AMOTL1: variants seen among roughly 807,000 people sequenced by gnomAD.
AMOTL1 encodes angiomotin like 1.
A neutral mutation model predicts 102.9 loss-of-function variants in AMOTL1; 45 were observed. The observed-to-expected ratio is 0.44, with a 90% CI of 0.34 to 0.56. The LOEUF is 0.56. Among genes scored for constraint, AMOTL1 ranks in the 20% least tolerant of loss-of-function variants. The pLI is 0.01. For missense variants in AMOTL1, 1,114 were observed against 1,225.6 expected, an observed-to-expected ratio of 0.91 and a Z score of 1.36; for synonymous variants, 481 against 484.7, an observed-to-expected ratio of 0.99 and a Z score of 0.10.
chr11:94,845,666 C>G (rs1952396834), intron 6 of AMOTL1, among the ~76,000 whole-genome samples: 2 of 152,198 alleles, frequency 1.3e-5, no homozygotes, highest in African/African-American at 4.8e-5. Flanking sequence ...AGTCATGTGT[C>G]CAAGGTGAGC....
At chr11:94,774,617 G>A (rs1266189585) in intron 1 of AMOTL1, among the ~76,000 whole-genome samples, 4 of 152,146 alleles carry the variant, frequency 2.6e-5, no homozygotes, top group African/African-American at 7.2e-5. Context: ...TACCCCAGAG[G>A]GTTTATTGAA....
chr11:94,806,141 G>A (rs1052456959), intron 3 of AMOTL1, among the ~76,000 whole-genome samples: 1 of 152,246 alleles, frequency 6.6e-6, no homozygotes, highest in Non-Finnish European at 1.5e-5. Context: ...CAAGTAAAGT[G>A]GGGGCAGCCC....
At chr11:94,768,721 C>T (rs1950894985) in intron 1 of AMOTL1, among the ~76,000 whole-genome samples, 161 bp downstream of exon 1, 1 of 152,008 alleles carries the variant, frequency 6.6e-6, no homozygotes, top group Non-Finnish European at 1.5e-5. Context: ...AGCGGGTTCC[C>T]TTGCCCCGCT....
chr11:94,798,608 G>A (rs1951410328), intron 2 of AMOTL1, among the ~76,000 whole-genome samples: 1 of 152,090 alleles, frequency 6.6e-6, no homozygotes, highest in Non-Finnish European at 1.5e-5. Flanking sequence ...AGTAGTTGAC[G>A]ACGAGGGGTA....
intron 6 of AMOTL1, among the ~76,000 whole-genome samples, chr11:94,844,575 TA>T: frequency 6.6e-6 from 1 of 152,360 alleles, no homozygotes; most frequent in East Asian, 1.9e-4. Context: ...TGTGCTCTGT[TA>T]TTGCATGGCC....
At chr11:94,830,463 G>A (rs1000048938) in intron 5 of AMOTL1, among the ~76,000 whole-genome samples, 1 of 152,190 alleles carries the variant, frequency 6.6e-6, no homozygotes, top group African/African-American at 2.4e-5. Context: ...TCTGTTTGCG[G>A]CTCCTTCTTG....
At chr11:94,764,298 G>C (rs1950829644), upstream of AMOTL1, among the ~76,000 whole-genome samples, 1 of 152,190 alleles carries the variant, frequency 6.6e-6, no homozygotes, top group Admixed American at 6.5e-5. Flanking sequence ...CAATGTGCTA[G>C]GAGTCATTTC....
At position 94,799,568 on chromosome 11, in the gene AMOTL1, A is replaced by G; in HGVS notation, c.378A>G (p.Thr126=). The G allele has an allele frequency of 6.2e-7, 1 of 1,613,818 alleles. No individual in the cohort carries two copies. Among genetic ancestry groups the G allele is most frequent in the African/African-American group, 1.3e-5 (1 of 74,990 alleles). ...MNLLAIQHQA[T]GSAGPAHPTN... ...TGCTGGCCATTCAGCACCAGGCCAC[A>G]GGGAGTGCAGGACCAGCCCATCCTA... Residue 126 remains threonine (T), a synonymous_variant, in exon 3 of 13, where the codon ACA becomes ACG. Transcript: ENST00000433060. The surrounding 1 kb of genome is among the most constrained non-coding windows in gnomAD (Gnocchi z 4.5).
At chr11:94,867,948 G>A (rs748712116) in intron 11 of AMOTL1, among the ~76,000 whole-genome samples, 28 of 152,128 alleles carry the variant, frequency 1.8e-4, no homozygotes, top group Non-Finnish European at 2.1e-4. Flanking sequence ...TTCCTTCTCC[G>A]TAAGACAGGA....
chr11:94,745,829 C>G (rs1417993822), intron 3 of AMOTL1, among the ~76,000 whole-genome samples: 3 of 152,082 alleles, frequency 2.0e-5, no homozygotes, highest in Non-Finnish European at 4.4e-5. Context: ...ACCAGTTATC[C>G]CACCTACTAA....
chr11:94,804,549 C>G (rs1450869002), intron 3 of AMOTL1, among the ~76,000 whole-genome samples: 2 of 152,146 alleles, frequency 1.3e-5, no homozygotes, highest in African/African-American at 2.4e-5. Context: ...ACCTTGGCCT[C>G]CCAAAGTGTT....
intron 3 of AMOTL1, among the ~76,000 whole-genome samples, chr11:94,809,194 C>T (rs1476883512): frequency 2.0e-5 from 3 of 152,178 alleles, no homozygotes; most frequent in East Asian, 1.9e-4. Flanking sequence ...TGGTCTCGAA[C>T]TCCTGACCTC....
At chr11:94,855,976 T>C (rs2135720872) in intron 8 of AMOTL1, among the ~76,000 whole-genome samples, 1 of 152,330 alleles carries the variant, frequency 6.6e-6, no homozygotes, top group East Asian at 1.9e-4. Context: ...CAGCTGTGTA[T>C]GGCTGACATG....
At position 94,866,102 on chromosome 11, in the gene AMOTL1, A is replaced by G. The variant is rs931735718; in HGVS notation, c.2422A>G (p.Thr808Ala). The G allele has an allele frequency of 1.2e-6, 2 of 1,613,832 alleles. No individual in the cohort carries two copies. The highest frequency in any genetic ancestry group is 1.7e-6 in the Non-Finnish European group (2 of 1,179,860). Residue 808 changes from threonine (T) to alanine (A), a missense_variant, in exon 11 of 13, where the codon ACC (threonine) becomes GCC (alanine). Physicochemically the swap from Thr to Ala is moderately conservative, Grantham distance 58. Transcript: ENST00000433060. ...AGCTACTGGGACACACTCTCGCCAG[A>G]CCTCTCTTACCAGCAGCCAGCTGGC... ...AAATGTHSRQ[T>A]SLTSSQLAEE...
intron 3 of AMOTL1, among the ~76,000 whole-genome samples, chr11:94,801,927 A>G (rs117544018): frequency 1.9e-3 from 289 of 152,282 alleles, no homozygotes; most frequent in Non-Finnish European, 3.3e-3. Flanking sequence ...TCTAAATTGA[A>G]CAAGCCAGGG....
At chr11:94,722,657 G>C (rs1950192224) in intron 1 of AMOTL1, among the ~76,000 whole-genome samples, 1 of 152,076 alleles carries the variant, frequency 6.6e-6, no homozygotes, top group Admixed American at 6.6e-5. Flanking sequence ...TATATATACT[G>C]CCTCCCACAT....
intron 11 of AMOTL1, among the ~76,000 whole-genome samples, chr11:94,868,059 C>T (rs1044220934): frequency 6.6e-5 from 10 of 152,224 alleles, no homozygotes; most frequent in African/African-American, 2.4e-4. Context: ...GGACCAGTGG[C>T]ACCAGCACCA....
rs1025489757 is a variant in AMOTL1 at position 94,834,602 on chromosome 11, A to T, written c.1648+3061A>T. ...GCGAGACTCCGTCTCAAAAAAAAAA[A>T]GTTATGTCTTGGAGTAATACATACC... On this transcript the variant is annotated intron_variant, in intron 6 of 12. Coordinates refer to ENST00000433060, the MANE Select transcript of AMOTL1 (RefSeq NM_130847.3). 2.6e-5 allele frequency among the ~76,000 whole-genome samples: 4 copies of T among 152,276 alleles called. No homozygotes were observed. The South Asian group carries it at 8.3e-4, about 32-fold the overall frequency.
chr11:94,875,171 G>A lies in AMOTL1; in HGVS notation c.*4376G>A, dbSNP rs966619745. 2.6e-5 allele frequency: 4 copies of A among 152,166 alleles called. No homozygotes were observed. Among genetic ancestry groups the A allele is most frequent in the Non-Finnish European group, 4.4e-5 (3 of 68,026 alleles). The allele number at this position is 152,166 out of a possible 1,614,324, so 9.4% of individuals were successfully genotyped here. On this transcript the variant is annotated 3_prime_UTR_variant, in exon 13 of 13. Transcript: ENST00000433060. ...TTAAAATGTCTTCATTAGATGTGAC[G>A]ATTGTTTAATGAGTTTGCCTCTGAC...
Sources: gnomAD v4.1 joint callset for allele counts (sites outside exome capture counted in the v4.1 genomes callset) on GRCh38, gnomAD v4.1.1 for gene constraint, Gnocchi (gnomAD v3.1) non-coding constraint, MANE v1.5 for transcripts, NCBI Gene and HGNC (gene_info 2026-07-23, HGNC 2026-07-21) for gene names.